ATP11C: variants seen among roughly 807,000 people sequenced by gnomAD.
The protein encoded by ATP11C is ATPase phospholipid transporting 11C (ATP11C blood group).
Under a neutral mutation model 97.4 loss-of-function variants are expected in ATP11C, and 36 were observed. The observed-to-expected ratio is 0.37, with a 90% CI of 0.28 to 0.49. The LOEUF is 0.49. Ranked by LOEUF, ATP11C falls within the 20% of genes least tolerant of loss-of-function variation. ATP11C has a pLI of 0.98. For missense variants in ATP11C, 730 were observed against 824.6 expected (o/e 0.89, Z 1.40); for synonymous variants, 275 against 290.9 (o/e 0.95, Z 0.56).
chrX:139,921,332 TGA>T (rs1165146302), intron 1 of ATP11C, among the ~76,000 whole-genome samples: 1 of 110,835 alleles, frequency 9.0e-6, no homozygotes, highest in Non-Finnish European at 1.9e-5. Flanking sequence ...TGATAGTGAG[TGA>T]GTCTCACGAG....
At chrX:139,926,025 T>C (rs2085346051) in intron 1 of ATP11C, among the ~76,000 whole-genome samples, 1 of 112,223 alleles carries the variant, frequency 8.9e-6, no homozygotes, top group Admixed American at 9.4e-5. Context: ...TGAGCACTCA[T>C]TCATCATTAA....
intron 2 of ATP11C, among the ~76,000 whole-genome samples, chrX:139,820,274 G>A (rs180728531): frequency 6.4e-5 from 7 of 109,291 alleles, no homozygotes; most frequent in African/African-American, 1.7e-4. Flanking sequence ...GGTGGTGCAC[G>A]CCTGTAGTCC....
intron 26 of ATP11C, among the ~76,000 whole-genome samples, chrX:139,743,296 C>T (rs746516224): frequency 5.5e-5 from 6 of 109,773 alleles, no homozygotes; most frequent in South Asian, 4.0e-4. Context: ...AACAGATTTT[C>T]GACATAAGTA....
At chrX:139,907,302 T>C (rs1419906900) in intron 1 of ATP11C, among the ~76,000 whole-genome samples, 1 of 111,561 alleles carries the variant, frequency 9.0e-6, no homozygotes, top group Non-Finnish European at 1.9e-5. Flanking sequence ...CAATGGCATG[T>C]GCGCAAAAGT....
intron 14 of ATP11C, among the ~76,000 whole-genome samples, chrX:139,787,621 TA>T (rs761113787): frequency 8.9e-6 from 1 of 112,854 alleles, no homozygotes; most frequent in African/African-American, 3.2e-5. Context: ...TTCAATGGGG[TA>T]ACTCATGCTT....
At chrX:139,916,742 T>TA (rs1259209047) in intron 1 of ATP11C, among the ~76,000 whole-genome samples, 2 of 110,043 alleles carry the variant, frequency 1.8e-5, no homozygotes, top group African/African-American at 3.3e-5. Context: ...TTGCAGAAAT[T>TA]AAAAAAAATA....
At chrX:139,775,673 T>C (rs1458728463) in intron 18 of ATP11C, among the ~76,000 whole-genome samples, 1 of 112,778 alleles carries the variant, frequency 8.9e-6, no homozygotes, top group African/African-American at 3.2e-5. Context: ...GGCAATCTCC[T>C]GATCATCAAA....
chrX:139,738,030 G>C lies in ATP11C; in HGVS notation c.3174C>G (p.Ala1058=), dbSNP rs1208961181. ...LKQQRMYFVF[A]QMLSSVSTWL... is the part of the protein sequence containing the mutation. Reference sequence around the variant, plus strand: ...ATGTGGATACAGAAGACAGCATTTGGGCAAATACAAAATACATTCTCTGTT... The same window carrying C: ...ATGTGGATACAGAAGACAGCATTTGCGCAAATACAAAATACATTCTCTGTT... Residue 1058 remains alanine (A), a synonymous_variant, in exon 28 of 30, where the codon GCC becomes GCG. Transcript: ENST00000682941. 8.3e-7 allele frequency: 1 copy of C among 1,204,036 alleles called. No individual in the cohort carries two copies. Among genetic ancestry groups the C allele is most frequent in the Admixed American group, 2.2e-5 (1 of 45,480 alleles).
chrX:139,850,237 T>C (rs1166376472), intron 1 of ATP11C, among the ~76,000 whole-genome samples: 1 of 110,864 alleles, frequency 9.0e-6, no homozygotes, highest in African/African-American at 3.3e-5. Flanking sequence ...GTATTAAGGA[T>C]GATTCTGATG....
intron 24 of ATP11C, among the ~76,000 whole-genome samples, chrX:139,746,118 G>A (rs1010057602): frequency 3.6e-5 from 4 of 111,215 alleles, no homozygotes; most frequent in Non-Finnish European, 7.5e-5. Flanking sequence ...ATAATAATTC[G>A]CTTCCATTTA....
At chrX:139,862,176 G>A (rs190446804) in intron 1 of ATP11C, among the ~76,000 whole-genome samples, 2 of 111,849 alleles carry the variant, frequency 1.8e-5, no homozygotes, top group South Asian at 3.8e-4. Context: ...GGTTCCTAGA[G>A]GGTGGTACAC....
intron 1 of ATP11C, among the ~76,000 whole-genome samples, chrX:139,847,278 G>C (rs1404086870): frequency 9.0e-6 from 1 of 110,695 alleles, no homozygotes; most frequent in Non-Finnish European, 1.9e-5. Context: ...AGCTACTCGG[G>C]AGATTGAGGC....
intron 23 of ATP11C, among the ~76,000 whole-genome samples, chrX:139,753,194 T>C (rs193270005): frequency 2.7e-5 from 3 of 111,155 alleles, no homozygotes; most frequent in African/African-American, 6.5e-5. Context: ...ACATGGCACA[T>C]ACTCTAAAAT....
intron 1 of ATP11C, among the ~76,000 whole-genome samples, chrX:139,909,384 C>A (rs1257513995): frequency 9.0e-6 from 1 of 111,281 alleles, no homozygotes; most frequent in Non-Finnish European, 1.9e-5. Flanking sequence ...CCACCCGCCT[C>A]GGCTTCCCAA....
At chrX:139,848,161 C>T (rs961258259) in intron 1 of ATP11C, among the ~76,000 whole-genome samples, 3 of 111,685 alleles carry the variant, frequency 2.7e-5, no homozygotes, top group Non-Finnish European at 5.6e-5. Flanking sequence ...CTATCAAACA[C>T]CGGTCTCTGG....
chrX:139,866,340 T>C (rs2084282467), intron 1 of ATP11C, among the ~76,000 whole-genome samples: 1 of 58,158 alleles, frequency 1.7e-5, no homozygotes. Flanking sequence ...AAAGACTCTG[T>C]CTCAAAAAAA....
At position 139,932,143 on chromosome X, in the gene ATP11C, G is replaced by A. The variant is rs2085447728; in HGVS notation, c.-101C>T. On this transcript the variant is annotated 5_prime_UTR_variant, in exon 1 of 30. Coordinates refer to ENST00000682941, the MANE Select transcript of ATP11C (RefSeq NM_001353812.2). ...CGGCGTGGGCCGGCGGCGCCAAGCG[G>A]AGCAGCGAGGCGGGCGGCCGGGCCA... 1.2e-6 allele frequency: 1 copy of A among 824,344 alleles called. No homozygotes were observed. Among genetic ancestry groups the A allele is most frequent in the Non-Finnish European group, 1.5e-6 (1 of 654,069 alleles). 67.9% of individuals were successfully genotyped at this position (824,344 alleles called of 1,213,427 possible).
chrX:139,883,705 TTAAA>T (rs1315634959), intron 1 of ATP11C, among the ~76,000 whole-genome samples: 1 of 110,643 alleles, frequency 9.0e-6, no homozygotes, highest in Non-Finnish European at 1.9e-5. Context: ...AAGGTGAAAA[TTAAA>T]TAAGAAGATG....
chrX:139,741,560 C>T (rs185189894), intron 26 of ATP11C, among the ~76,000 whole-genome samples: 15 of 111,164 alleles, frequency 1.3e-4, no homozygotes, highest in Non-Finnish European at 2.5e-4. Flanking sequence ...TCAAAGGTGT[C>T]GTGAAAGCTC....
Sources: gnomAD v4.1 joint callset for allele counts (sites outside exome capture counted in the v4.1 genomes callset) on GRCh38, gnomAD v4.1.1 for gene constraint, MANE v1.5 for transcripts, NCBI Gene and HGNC (gene_info 2026-07-23, HGNC 2026-07-21) for gene names.